Variants in SERTAD1 observed in about 807,000 individuals in gnomAD.
The protein encoded by SERTAD1 is SERTA domain containing 1.
SERTAD1 carries 5 observed loss-of-function variants against 11.7 expected under a neutral mutation model. That is an observed-to-expected ratio of 0.43 (90% CI 0.22 to 0.90). The LOEUF (loss-of-function observed/expected upper bound fraction) is 0.90. Among genes scored for constraint, SERTAD1 ranks in the 40% least tolerant of loss-of-function variants. The pLI is 0.27. For missense variants in SERTAD1, 287 were observed against 313.9 expected (o/e 0.91, Z 0.65); for synonymous variants, 139 against 141.4 (o/e 0.98, Z 0.12).
Position 40,422,843 on chromosome 19 carries a change from C to T in SERTAD1, c.704G>A (p.Gly235Glu). 6.3e-7 allele frequency: 1 copy of T among 1,598,338 alleles called. No homozygotes were observed. The change falls in exon 2 of 2, where the codon GGG (glycine) becomes GAG (glutamate). Residue 235 changes from glycine (G) to glutamate (E), a missense_variant. Transcript: ENST00000357949. ...TQALERPPGP[G>E]R ...CCATTCCAGCACGAGGGCTCAGCGC[C>T]CTGGCCCCGGCGGTCGCTCCAGTGC...
In SERTAD1 at chr19:40,423,501, T is replaced by TCTC. The variant is rs763220495; in HGVS notation, c.43_45dup (p.Glu15dup). The TCTC allele has an allele frequency of 1.7e-5, 27 of 1,610,992 alleles. No individual in the cohort carries two copies. The highest frequency in any genetic ancestry group is 5.0e-5 in the Admixed American group (3 of 59,856). On this transcript the variant is annotated inframe_insertion, in exon 2 of 2. Coordinates refer to ENST00000357949, the MANE Select transcript of SERTAD1 (RefSeq NM_013376.4). ...CAGGAGTCGACTGCCAGAGGTTCCT[T>TCTC]CTCCTCCTCCTCCTCCCGTTTCCGC...
rs1160472281 is a variant in SERTAD1 at position 40,423,491 on chromosome 19, A to G, written c.56T>C (p.Leu19Pro). Reference protein sequence around the residue: ...KREEEEEKEPLAVDSWWLDPG... With the variant: ...KREEEEEKEPPAVDSWWLDPG... Reference sequence around the variant, plus strand: ...ATCTAGCCACCAGGAGTCGACTGCCAGAGGTTCCTTCTCCTCCTCCTCCTC... The same window carrying G: ...ATCTAGCCACCAGGAGTCGACTGCCGGAGGTTCCTTCTCCTCCTCCTCCTC... Residue 19 changes from leucine to proline, a missense_variant, in exon 2 of 2, where the codon CTG becomes CCG. By Grantham distance (98) the Leu-to-Pro change is moderately conservative. Coordinates refer to ENST00000357949, the MANE Select transcript of SERTAD1 (RefSeq NM_013376.4). The G allele has an allele frequency of 6.2e-7, 1 of 1,612,640 alleles. No homozygotes were observed. The highest frequency in any genetic ancestry group is 2.2e-5 in the East Asian group (1 of 44,882).
In SERTAD1 at chr19:40,423,610, C is replaced by T. The variant is rs559244149; in HGVS notation, c.1-64G>A. 8 of 1,089,384 alleles carry T rather than the reference C, an allele frequency of 7.3e-6. No individual in the cohort carries two copies. In the African/African-American group the frequency reaches 7.9e-5, roughly 11 times the overall value. The allele number at this position is 1,089,384 out of a possible 1,614,324, so 67.5% of individuals were successfully genotyped here. A position where few individuals can be genotyped will look rare whatever the true frequency, so the allele number is the denominator to read the frequency against. ...TAGAAAACAAATGTTAAGTTCAAAG[C>T]CTGGATCTGACAGTTGCTGCAGGTA... On this transcript the variant is annotated intron_variant, in intron 1 of 1. Coordinates refer to ENST00000357949, the MANE Select transcript of SERTAD1 (RefSeq NM_013376.4).
chr19:40,422,125 T>TA lies in SERTAD1; in HGVS notation c.*710dup, dbSNP rs199624741. The stretch of plus-strand genomic sequence containing the variant: ...TGGGCGACAGAGTAAGAATCTGTCT[T>TA]AAAAAAAAAAGAAAGAAAAAAAAAA... On this transcript the variant is annotated 3_prime_UTR_variant, in exon 2 of 2. Coordinates refer to ENST00000357949, the MANE Select transcript of SERTAD1 (RefSeq NM_013376.4). 17,138 of 141,496 alleles carry TA rather than the reference T, an allele frequency of 0.12. 1,018 individuals carry two copies. Among genetic ancestry groups the TA allele is most frequent in the South Asian group, 0.17 (759 of 4,482 alleles). 8.8% of individuals were successfully genotyped at this position (141,496 alleles called of 1,614,324 possible).
chr19:40,425,111 A>G (rs1016557593), intron 1 of SERTAD1, among the ~76,000 whole-genome samples: 1 of 152,082 alleles, frequency 6.6e-6, no homozygotes, highest in African/African-American at 2.4e-5. Flanking sequence ...AAGTCGGTCG[A>G]GTCAGGACTT....
chr19:40,422,641 G>A lies in SERTAD1; in HGVS notation c.*195C>T. 1.7e-6 allele frequency: 1 copy of A among 596,030 alleles called. No individual in the cohort carries two copies. The highest frequency in any genetic ancestry group is 2.9e-6 in the Non-Finnish European group (1 of 346,824). The allele number at this position is 596,030 out of a possible 1,614,324, so 36.9% of individuals were successfully genotyped here. A position where few individuals can be genotyped will look rare whatever the true frequency, so the allele number is the denominator to read the frequency against. On this transcript the variant is annotated 3_prime_UTR_variant, in exon 2 of 2. Transcript: ENST00000357949. ...AGACCCTGTCATTCCATCACTAGGGGGTAATTCCAGGCTCCCCCTGCCAGC... is the reference window on the plus strand; with the variant it reads ...AGACCCTGTCATTCCATCACTAGGGAGTAATTCCAGGCTCCCCCTGCCAGC...
rs765833634 is a variant in SERTAD1 at position 40,423,101 on chromosome 19, G to A, written c.446C>T (p.Ala149Val). 25 of 1,595,660 alleles carry A rather than the reference G, an allele frequency of 1.6e-5. No homozygotes were observed. Among genetic ancestry groups the A allele is most frequent in the South Asian group, 1.0e-4 (9 of 88,342 alleles). The change falls in exon 2 of 2, where the codon GCG (alanine) becomes GTG (valine). Residue 149 changes from alanine to valine, a missense_variant. Coordinates refer to ENST00000357949, the MANE Select transcript of SERTAD1 (RefSeq NM_013376.4). ...GPPGRSIGGA[A>V]PSLGALDLLG... ...CAGGTCCAAGGCACCCAGGCTGGGC[G>A]CTGCTCCCCCGATGCTACGGCCTGG... is the stretch of plus-strand genomic sequence containing the variant.
intron 1 of SERTAD1, among the ~76,000 whole-genome samples, chr19:40,425,332 C>T (rs534069348): frequency 1.3e-5 from 2 of 152,296 alleles, no homozygotes; most frequent in Non-Finnish European, 2.9e-5. Flanking sequence ...AATGGCCCAC[C>T]ACACTACTCA....
rs763491575 is a variant in SERTAD1 at position 40,423,357 on chromosome 19, G to C, written c.190C>G (p.Leu64Val). The C allele has an allele frequency of 6.2e-7, 1 of 1,613,428 alleles. No homozygotes were observed. The highest frequency in any genetic ancestry group is 1.7e-5 in the Admixed American group (1 of 59,996). The change falls in exon 2 of 2, where the codon CTG becomes GTG. Residue 64 changes from leucine to valine, a missense_variant. Coordinates refer to ENST00000357949, the MANE Select transcript of SERTAD1 (RefSeq NM_013376.4). The part of the protein sequence containing the change: ...HHSLQQSEPD[L>V]RHLVLVVNTL... ...TTCACGACCAGCACCAGGTGCCGCA[G>C]GTCCGGCTCACTCTGCTGCAGGCTG...
chr19:40,423,031 G>T lies in SERTAD1; in HGVS notation c.516C>A (p.Gly172=). The change falls in exon 2 of 2, where the codon GGC becomes GGA. Residue 172 remains glycine, a synonymous_variant. Coordinates refer to ENST00000357949, the MANE Select transcript of SERTAD1 (RefSeq NM_013376.4). The stretch of plus-strand genomic sequence containing the variant: ...TAGAGGTGTCAATATCCTCAAACAG[G>T]CCCTCAAGCCCATCGTCCAGTAGAC... ...TGCLLDDGLE[G]LFEDIDTSMY... 1 of 1,574,666 alleles carries T rather than the reference G, an allele frequency of 6.4e-7. No individual in the cohort carries two copies. Among genetic ancestry groups the T allele is most frequent in the East Asian group, 2.3e-5 (1 of 42,824 alleles).
In SERTAD1 at chr19:40,422,146, A is replaced by G. The variant is rs953054668; in HGVS notation, c.*690T>C. ...GTCTTAAAAAAAAAAGAAAGAAAAA[A>G]AAAAAGTGGCCTGGTAGGAGGATCG... On this transcript the variant is annotated 3_prime_UTR_variant, in exon 2 of 2. Coordinates refer to ENST00000357949, the MANE Select transcript of SERTAD1 (RefSeq NM_013376.4). 6.6e-6 allele frequency: 1 copy of G among 151,656 alleles called. No homozygotes were observed. The highest frequency in any genetic ancestry group is 1.5e-5 in the Non-Finnish European group (1 of 67,962). The allele number at this position is 151,656 out of a possible 1,614,324, so 9.4% of individuals were successfully genotyped here.
In SERTAD1 at chr19:40,422,654, T is replaced by C. The variant is rs922790236; in HGVS notation, c.*182A>G. 3 of 633,024 alleles carry C rather than the reference T, an allele frequency of 4.7e-6. No individual in the cohort carries two copies. The highest frequency in any genetic ancestry group is 7.9e-6 in the Non-Finnish European group (3 of 381,280). 39.2% of individuals were successfully genotyped at this position (633,024 alleles called of 1,614,324 possible). The stretch of plus-strand genomic sequence containing the variant: ...CCATCACTAGGGGGTAATTCCAGGC[T>C]CCCCCTGCCAGCCCTGAGACAGGAG... On this transcript the variant is annotated 3_prime_UTR_variant, in exon 2 of 2. Coordinates refer to ENST00000357949, the MANE Select transcript of SERTAD1 (RefSeq NM_013376.4).
chr19:40,424,159 C>G lies in SERTAD1; in HGVS notation c.1-613G>C, dbSNP rs553123267. 7.2e-5 allele frequency among the ~76,000 whole-genome samples: 11 copies of G among 151,944 alleles called. No individual in the cohort carries two copies. In the East Asian group the frequency reaches 1.4e-3, roughly 19 times the overall value. ...CTCCTGGCCTGAAGCGATCCTCCCC[C>G]CTCAGTCAATAAGTACTTTTTTTTT... On this transcript the variant is annotated intron_variant, in intron 1 of 1. Transcript: ENST00000357949.
rs1416886783 is a variant in SERTAD1, at chr19:40,423,337, G to A, written c.210C>T (p.Val70=). The A allele has an allele frequency of 1.2e-6, 2 of 1,612,724 alleles. No homozygotes were observed. Among genetic ancestry groups the A allele is most frequent in the East Asian group, 2.2e-5 (1 of 44,876 alleles). ...SEPDLRHLVL[V]VNTLRRIQAS... ...CCTGGATGCGCCGCAGAGTGTTCAC[G>A]ACCAGCACCAGGTGCCGCAGGTCCG... Residue 70 remains valine, a synonymous_variant, in exon 2 of 2, where the codon GTC becomes GTT. Transcript: ENST00000357949.
Position 40,421,853 on chromosome 19 carries a change from GA to G in SERTAD1, c.*982del, listed in dbSNP as rs112195702. ...AGCAAAGAAAAGAAATAAAATTTAA[GA>G]AAAAAAAAAAAAGGCCAGGCACAGT... is the stretch of plus-strand genomic sequence containing the variant. On this transcript the variant is annotated 3_prime_UTR_variant, in exon 2 of 2. Transcript: ENST00000357949. 5.5e-3 allele frequency: 720 copies of G among 131,354 alleles called. 7 individuals carry two copies. The highest frequency in any genetic ancestry group is 0.017 in the African/African-American group (621 of 36,084). The allele number at this position is 131,354 out of a possible 1,614,324, so 8.1% of individuals were successfully genotyped here. A position where few individuals can be genotyped will look rare whatever the true frequency, so the allele number is the denominator to read the frequency against.
At position 40,423,328 on chromosome 19, in the gene SERTAD1, A is replaced by T; in HGVS notation, c.219T>A (p.Thr73=). ...CCATGGACGCCTGGATGCGCCGCAG[A>T]GTGTTCACGACCAGCACCAGGTGCC... ...DLRHLVLVVN[T]LRRIQASMAP... is the part of the protein sequence containing the mutation. Residue 73 remains threonine, a synonymous_variant, in exon 2 of 2, where the codon ACT becomes ACA. Coordinates refer to ENST00000357949, the MANE Select transcript of SERTAD1 (RefSeq NM_013376.4). 1 of 1,612,432 alleles carries T rather than the reference A, an allele frequency of 6.2e-7. No homozygotes were observed. The highest frequency in any genetic ancestry group is 1.1e-5 in the South Asian group (1 of 90,948).
Position 40,423,037 on chromosome 19 carries a change from A to G in SERTAD1, c.510T>C (p.Leu170=), listed in dbSNP as rs4150992. Residue 170 remains leucine, a synonymous_variant, in exon 2 of 2, where the codon CTT becomes CTC. Coordinates refer to ENST00000357949, the MANE Select transcript of SERTAD1 (RefSeq NM_013376.4). ...PATGCLLDDG[L]EGLFEDIDTS... is the part of the protein sequence containing the mutation. ...TGTCAATATCCTCAAACAGGCCCTCAAGCCCATCGTCCAGTAGACAGCCAG... is the reference window on the plus strand; with the variant it reads ...TGTCAATATCCTCAAACAGGCCCTCGAGCCCATCGTCCAGTAGACAGCCAG... 238,097 of 1,574,456 alleles carry G rather than the reference A, an allele frequency of 0.15. 26,985 individuals are homozygous for G. The highest frequency in any genetic ancestry group is 0.59 in the African/African-American group (43,574 of 74,000).
At chr19:40,425,120 T>G (rs774722155) in intron 1 of SERTAD1, among the ~76,000 whole-genome samples, 43 of 152,044 alleles carry the variant, frequency 2.8e-4, no homozygotes, top group Admixed American at 7.9e-4. Flanking sequence ...GAGTCAGGAC[T>G]TATTTGGGAG....
In SERTAD1 at chr19:40,423,241, G is replaced by A; in HGVS notation, c.306C>T (p.Asn102=). 2.5e-6 allele frequency: 4 copies of A among 1,607,044 alleles called. No homozygotes were observed. The highest frequency in any genetic ancestry group is 3.4e-6 in the Non-Finnish European group (4 of 1,175,926). The part of the protein sequence containing the change: ...SPPAAPSVAD[N]LLASSDAALS... Reference sequence around the variant, plus strand: ...GGGCAGCGTCCGAGCTTGCCAGTAAGTTGTCAGCCACACTGGGGGCTGCAG... The same window carrying A: ...GGGCAGCGTCCGAGCTTGCCAGTAAATTGTCAGCCACACTGGGGGCTGCAG... Residue 102 remains asparagine (N), a synonymous_variant, in exon 2 of 2, where the codon AAC becomes AAT. Coordinates refer to ENST00000357949, the MANE Select transcript of SERTAD1 (RefSeq NM_013376.4).
Sources: gnomAD v4.1 joint callset for allele counts (sites outside exome capture counted in the v4.1 genomes callset) on GRCh38, gnomAD v4.1.1 for gene constraint, MANE v1.5 for transcripts, NCBI Gene and HGNC (gene_info 2026-07-23, HGNC 2026-07-21) for gene names.